ZBTB40: variants seen among roughly 807,000 people sequenced by gnomAD.
ZBTB40 encodes zinc finger and BTB domain containing 40.
A neutral mutation model predicts 117.5 loss-of-function variants in ZBTB40; 60 were observed. That is an observed-to-expected ratio of 0.51 (90% CI 0.41 to 0.63). ZBTB40 has a LOEUF of 0.63. Among genes scored for constraint, ZBTB40 ranks in the 30% least tolerant of loss-of-function variants. ZBTB40 has a pLI of 0.00. For missense variants in ZBTB40, 1,287 were observed against 1,498.5 expected, an observed-to-expected ratio of 0.86 and a Z score of 2.33; for synonymous variants, 525 against 577.1, an observed-to-expected ratio of 0.91 and a Z score of 1.29.
At chr1:22,465,060 A>C (rs1641221288) in intron 1 of ZBTB40, among the ~76,000 whole-genome samples, 1 of 152,168 alleles carries the variant, frequency 6.6e-6, no homozygotes. Flanking sequence ...AGGGTGAAGA[A>C]AACAAAGAGC....
chr1:22,521,198 G>A (rs927506414), intron 14 of ZBTB40, among the ~76,000 whole-genome samples: 7 of 152,148 alleles, frequency 4.6e-5, no homozygotes, highest in Non-Finnish European at 1.0e-4. Context: ...CGGTGTCTCC[G>A]CTTCCAGCTC....
At position 22,491,369 on chromosome 1, in the gene ZBTB40, T is replaced by C. The variant is rs375048458; in HGVS notation, c.698-31T>C. The C allele has an allele frequency of 3.7e-6, 6 of 1,611,972 alleles. No homozygotes were observed. In the African/African-American group the frequency reaches 6.7e-5, roughly 18 times the overall value. On this transcript the variant is annotated intron_variant, in intron 2 of 17. Transcript: ENST00000375647. ...AAAAATTTATTTCAAGTAATGAATTTCTGATTTGTTTTATTTTGTTCTACA... is the reference window on the plus strand; with the variant it reads ...AAAAATTTATTTCAAGTAATGAATTCCTGATTTGTTTTATTTTGTTCTACA...
At chr1:22,446,830 C>T (rs1215366703) in intron 1 of ZBTB40, among the ~76,000 whole-genome samples, 2 of 152,156 alleles carry the variant, frequency 1.3e-5, no homozygotes, top group South Asian at 2.1e-4. Flanking sequence ...AGGCTGGTCG[C>T]GGTGGCTCAC....
intron 1 of ZBTB40, among the ~76,000 whole-genome samples, chr1:22,433,872 GTTT>G (rs541820650): frequency 1.1e-3 from 162 of 148,684 alleles, no homozygotes; most frequent in African/African-American, 3.8e-3. Context: ...ATTTAAGCTA[GTTT>G]TTTTTTTGTT....
At position 22,435,083 on chromosome 1, in the gene ZBTB40, C is replaced by T. The variant is rs570226242; in HGVS notation, c.-70+6069C>T. ...TGGTGTGATCTCGGCTCACTGCAAC[C>T]TCTACCTCCCAGGCTCAACTGATCC... On this transcript the variant is annotated intron_variant, in intron 1 of 8. Coordinates refer to the ZBTB40 transcript ENST00000650433. Among the ~76,000 whole-genome samples, 10 of 148,044 alleles carry T rather than the reference C, an allele frequency of 6.8e-5. No homozygotes were observed. The South Asian group carries it at 2.0e-3, about 29-fold the overall frequency.
chr1:22,436,411 C>A (rs1640671320), intron 1 of ZBTB40, among the ~76,000 whole-genome samples: 1 of 152,142 alleles, frequency 6.6e-6, no homozygotes, highest in South Asian at 2.1e-4. Context: ...ACTCAGGAGG[C>A]TGAGGCAGGA....
chr1:22,491,128 C>G (rs1638619346), intron 2 of ZBTB40, among the ~76,000 whole-genome samples: 1 of 152,144 alleles, frequency 6.6e-6, no homozygotes, highest in African/African-American at 2.4e-5. Flanking sequence ...AATTCCTGAC[C>G]TCATGATCCA....
chr1:22,446,623 G>C (rs1640792618), intron 1 of ZBTB40, among the ~76,000 whole-genome samples: 1 of 151,838 alleles, frequency 6.6e-6, no homozygotes, highest in African/African-American at 2.4e-5. Context: ...AGAAAATGAA[G>C]AGAAACATTG....
chr1:22,490,492 G>A lies in ZBTB40; in HGVS notation c.544G>A (p.Val182Ile), dbSNP rs1441049175. Residue 182 changes from valine (V) to isoleucine (I), a missense_variant, in exon 2 of 18, where the codon GTT becomes ATT. Physicochemically the swap from Val to Ile is conservative, Grantham distance 29. Coordinates refer to ENST00000375647, the MANE Select transcript of ZBTB40 (RefSeq NM_014870.4). ...KAETEEAAHS[V>I]SQEMSVNSPT... ...TGAGACTGAGGAAGCAGCCCATTCA[G>A]TTTCACAAGAGATGAGTGTGAATTC... The A allele has an allele frequency of 6.2e-7, 1 of 1,600,710 alleles. No homozygotes were observed. The highest frequency in any genetic ancestry group is 8.5e-7 in the Non-Finnish European group (1 of 1,173,336).
At chr1:22,438,695 T>C in intron 1 of ZBTB40, among the ~76,000 whole-genome samples, 1 of 152,178 alleles carries the variant, frequency 6.6e-6, no homozygotes, top group East Asian at 1.9e-4. Flanking sequence ...TTTCTGGTTT[T>C]TTGTTTTATA....
chr1:22,520,506 T>A lies in ZBTB40; in HGVS notation c.3048+231T>A, dbSNP rs1271530275. Reference sequence around the variant, plus strand: ...TGGAGCAGAGAGTTCATACGCTTCTTCTCTTAGACAGCAGACTTGTCGTGA... The same window carrying A: ...TGGAGCAGAGAGTTCATACGCTTCTACTCTTAGACAGCAGACTTGTCGTGA... On this transcript the variant is annotated intron_variant, in intron 14 of 17. Coordinates refer to ENST00000375647, the MANE Select transcript of ZBTB40 (RefSeq NM_014870.4). Among the ~76,000 whole-genome samples, 4 of 152,180 alleles carry A rather than the reference T, an allele frequency of 2.6e-5. No individual in the cohort carries two copies. In the East Asian group the frequency reaches 7.7e-4, roughly 29 times the overall value.
At position 22,527,567 on chromosome 1, in the gene ZBTB40, T is replaced by G. The variant is rs190462412; in HGVS notation, c.*1171T>G. On this transcript the variant is annotated 3_prime_UTR_variant, in exon 18 of 18. Coordinates refer to ENST00000375647, the MANE Select transcript of ZBTB40 (RefSeq NM_014870.4). ...GAGAGAATGACTAGCATTTATCTTC[T>G]TTTCCTTCCATGCCAAAGGTTGGAG... is the stretch of plus-strand genomic sequence containing the variant. 2.0e-5 allele frequency: 3 copies of G among 152,524 alleles called. No homozygotes were observed. The East Asian group carries it at 5.6e-4, about 29-fold the overall frequency. 9.4% of individuals were successfully genotyped at this position (152,524 alleles called of 1,614,324 possible).
At chr1:22,485,797 G>T (rs1638449857) in intron 1 of ZBTB40, among the ~76,000 whole-genome samples, 1 of 152,062 alleles carries the variant, frequency 6.6e-6, no homozygotes, top group South Asian at 2.1e-4. Context: ...CAAGCTAGGA[G>T]ATTCTTTCCT....
At chr1:22,478,375 G>A (rs2124414414) in intron 1 of ZBTB40, among the ~76,000 whole-genome samples, 1 of 152,132 alleles carries the variant, frequency 6.6e-6, no homozygotes, top group East Asian at 1.9e-4. Context: ...AGCCTCCTGA[G>A]TAGCTGGGAC....
At chr1:22,458,864 T>A (rs531179205) in intron 1 of ZBTB40, among the ~76,000 whole-genome samples, 1 of 152,334 alleles carries the variant, frequency 6.6e-6, no homozygotes, top group African/African-American at 2.4e-5. Flanking sequence ...GTGCTGGGAT[T>A]ACAAGTGTGA....
upstream of ZBTB40, among the ~76,000 whole-genome samples, chr1:22,446,869 G>T (rs1182454647): frequency 6.6e-6 from 1 of 152,152 alleles, no homozygotes; most frequent in African/African-American, 2.4e-5. Flanking sequence ...TTGGGAGGCT[G>T]AGGCAAGCAG....
At chr1:22,502,636 C>T (rs1410991158) in intron 5 of ZBTB40, among the ~76,000 whole-genome samples, 195 bp downstream of exon 5, 1 of 151,960 alleles carries the variant, frequency 6.6e-6, no homozygotes, top group African/African-American at 2.4e-5. Flanking sequence ...GCACATGGAG[C>T]CATAAGGAAA....
intron 1 of ZBTB40, among the ~76,000 whole-genome samples, chr1:22,487,153 T>C (rs947253792): frequency 1.3e-5 from 2 of 152,218 alleles, no homozygotes; most frequent in Non-Finnish European, 2.9e-5. Context: ...AGTTGTTGAT[T>C]TTTCAGTTTG....
In ZBTB40 at chr1:22,453,698, C is replaced by T. The variant is rs148917720; in HGVS notation, c.-70+1694C>T. 2.0e-3 allele frequency among the ~76,000 whole-genome samples: 299 copies of T among 152,248 alleles called. 2 individuals are homozygous for T. The highest frequency in any genetic ancestry group is 0.01 in the Middle Eastern group (3 of 294). The stretch of plus-strand genomic sequence containing the variant: ...ACGCATAGAGGAAACAAACTCACGT[C>T]GGAGAGATGTTCGAGGTTACATAGC... On this transcript the variant is annotated intron_variant, in intron 1 of 17. Coordinates refer to ENST00000375647, the MANE Select transcript of ZBTB40 (RefSeq NM_014870.4).
Sources: allele counts gnomAD v4.1 joint callset (sites outside exome capture counted in the v4.1 genomes callset), GRCh38; gene constraint gnomAD v4.1.1; transcripts MANE v1.5; gene names NCBI Gene and HGNC (gene_info 2026-07-23, HGNC 2026-07-21).